The following ABR variants were observed in gnomAD, a reference collection of about 807,000 sequenced individuals.
ABR encodes active breakpoint cluster region-related protein.
In ABR, 35 loss-of-function variants were observed where a neutral mutation model predicts 107.2. That is an observed-to-expected ratio of 0.33 (90% confidence interval 0.25 to 0.43). The LOEUF (loss-of-function observed/expected upper bound fraction) is 0.43, where lower values mean the gene tolerates loss of function less well. ABR is among the 20% of genes least tolerant of loss of function. ABR has a pLI of 1.00. For missense variants in ABR, 815 were observed against 1,115.2 expected, an observed-to-expected ratio of 0.73 and a Z score of 3.83; for synonymous variants, 498 against 462.0, an observed-to-expected ratio of 1.08 and a Z score of -1.00.
intron 1 of ABR, among the ~76,000 whole-genome samples, chr17:1,193,666 C>T (rs2042485397): frequency 6.6e-6 from 1 of 152,302 alleles, no homozygotes; most frequent in East Asian, 1.9e-4. Flanking sequence ...TCAAGCACAT[C>T]AGTGCAGCCC....
chr17:1,115,220 A>C (rs1243519363), intron 2 of ABR: 1 of 152,428 alleles, frequency 6.6e-6, no homozygotes, highest in East Asian at 1.9e-4. Context: ...TATGCCCAGC[A>C]GGAAGCCACC....
intron 1 of ABR, among the ~76,000 whole-genome samples, chr17:1,146,874 CTA>C (rs1486789264): frequency 1.6e-5 from 2 of 125,486 alleles, no homozygotes; most frequent in Non-Finnish European, 3.5e-5. Context: ...GCCACCATTG[CTA>C]CATGACACCA....
At chr17:1,137,530 G>A (rs1323551913) in intron 1 of ABR, among the ~76,000 whole-genome samples, 1 of 152,216 alleles carries the variant, frequency 6.6e-6, no homozygotes, top group Non-Finnish European at 1.5e-5. Context: ...GTTCATAGAT[G>A]AAGGTTGCCG....
chr17:1,066,377 T>C (rs952116592), intron 10 of ABR, among the ~76,000 whole-genome samples: 1 of 152,184 alleles, frequency 6.6e-6, no homozygotes, highest in East Asian at 1.9e-4. Context: ...AAGTCAAGCA[T>C]GTTAATTGTG....
At chr17:1,163,048 G>A in intron 1 of ABR, among the ~76,000 whole-genome samples, 1 of 152,178 alleles carries the variant, frequency 6.6e-6, no homozygotes, top group Non-Finnish European at 1.5e-5. Flanking sequence ...CTCCAGCCTG[G>A]GCGACAGAGC....
At chr17:1,185,095 G>A (rs756977391) in intron 1 of ABR, 1 of 152,150 alleles carries the variant, frequency 6.6e-6, no homozygotes. Context: ...AACTCAGGGA[G>A]GAAGAAATCG....
At chr17:1,082,852 C>G (rs1226239457) in intron 5 of ABR, among the ~76,000 whole-genome samples, 3 of 152,170 alleles carry the variant, frequency 2.0e-5, no homozygotes, top group Non-Finnish European at 4.4e-5. Context: ...GCTGGCCAAG[C>G]TGGACTCAGT....
At chr17:1,185,183 G>T (rs572068179) in intron 1 of ABR, 1 of 152,266 alleles carries the variant, frequency 6.6e-6, no homozygotes, top group Non-Finnish European at 1.5e-5. Flanking sequence ...AAGAGAACTG[G>T]TATCCCAAGA....
At chr17:1,171,168 G>A (rs926732593) in intron 1 of ABR, among the ~76,000 whole-genome samples, 1 of 152,212 alleles carries the variant, frequency 6.6e-6, no homozygotes, top group African/African-American at 2.4e-5. Flanking sequence ...AGTCAATTGC[G>A]GCTGTGAGGA....
At chr17:1,033,499 C>G (rs1330078171) in intron 16 of ABR, among the ~76,000 whole-genome samples, 2 of 152,260 alleles carry the variant, frequency 1.3e-5, no homozygotes, top group Non-Finnish European at 1.5e-5. Context: ...AGCCCACACC[C>G]CTGTCACTCA....
Position 1,174,348 on chromosome 17 carries a change from G to C in ABR, c.61+5319C>G, listed in dbSNP as rs189491325. Among the ~76,000 whole-genome samples the C allele has an allele frequency of 3.9e-5, 6 of 152,358 alleles. No individual in the cohort carries two copies. The East Asian group carries it at 1.2e-3, about 29-fold the overall frequency. On this transcript the variant is annotated intron_variant, in intron 1 of 22. Coordinates refer to ENST00000302538, the MANE Select transcript of ABR (RefSeq NM_021962.5). ...GAAAACAAGCAAGCATCTGCCAGCA[G>C]GCGCTCACTAGCACACACGGAGGGG...
intron 1 of ABR, among the ~76,000 whole-genome samples, chr17:1,173,327 CACCCAACA>C (rs2041812721): frequency 7.9e-6 from 1 of 127,380 alleles, no homozygotes; most frequent in South Asian, 2.5e-4. Context: ...CACCTCAGCC[CACCCAACA>C]CATCACCTCA....
intron 1 of ABR, among the ~76,000 whole-genome samples, chr17:1,149,052 C>T (rs11868887): frequency 0.23 from 33,396 of 143,086 alleles, 4,676 homozygotes; most frequent in African/African-American, 0.36. Flanking sequence ...CAGGTGCCTG[C>T]CACCATGCCT....
At chr17:1,106,598 T>C in intron 2 of ABR, among the ~76,000 whole-genome samples, 1 of 150,384 alleles carries the variant, frequency 6.6e-6, no homozygotes, top group East Asian at 2.0e-4. Context: ...GGCATGATCT[T>C]GGCTCGCTGC....
At chr17:1,121,982 A>C (rs1050235716) in intron 2 of ABR, among the ~76,000 whole-genome samples, 11 of 152,138 alleles carry the variant, frequency 7.2e-5, no homozygotes, top group African/African-American at 2.2e-4. Flanking sequence ...GGCTCGCTGC[A>C]ACTTCCACCT....
intron 1 of ABR, among the ~76,000 whole-genome samples, chr17:1,173,585 G>A (rs546827164): frequency 2.6e-5 from 4 of 152,118 alleles, no homozygotes; most frequent in Non-Finnish European, 5.9e-5. Context: ...CACTACGAGC[G>A]AGTACAATGA....
chr17:1,123,846 A>G (rs1035893057), intron 2 of ABR, among the ~76,000 whole-genome samples: 3 of 152,084 alleles, frequency 2.0e-5, no homozygotes, highest in South Asian at 2.1e-4. Flanking sequence ...CCTGAGCCCA[A>G]TGCCTCCAGG....
At chr17:1,076,717 G>T (rs576872726) in intron 6 of ABR, among the ~76,000 whole-genome samples, 1 of 112,176 alleles carries the variant, frequency 8.9e-6, no homozygotes, top group Non-Finnish European at 1.8e-5. Context: ...AGGTGCACGG[G>T]GGGGGTGGGG....
intron 4 of ABR, among the ~76,000 whole-genome samples, chr17:1,088,877 C>A (rs2036817453): frequency 6.7e-6 from 1 of 149,890 alleles, no homozygotes; most frequent in African/African-American, 2.5e-5. Context: ...TAAGCGTGAG[C>A]CACTGTGCCC....
Sources: allele counts gnomAD v4.1 joint callset (sites outside exome capture counted in the v4.1 genomes callset), GRCh38; gene constraint gnomAD v4.1.1; transcripts MANE v1.5; gene names NCBI Gene and HGNC (gene_info 2026-07-23, HGNC 2026-07-21).